The following ZNF383 variants were observed in gnomAD, a reference collection of about 807,000 sequenced individuals.
ZNF383 encodes zinc finger protein 383.
Under a neutral mutation model 44.2 loss-of-function variants are expected in ZNF383, and 32 were observed. The ratio of observed to expected loss-of-function variants is 0.72; its 90% confidence interval spans 0.55 to 0.97. The LOEUF (loss-of-function observed/expected upper bound fraction) is 0.97, where lower values mean the gene tolerates loss of function less well. Among genes scored for constraint, ZNF383 ranks in the 50% least tolerant of loss-of-function variants. ZNF383 has a pLI of 0.00. For missense variants in ZNF383, 487 were observed against 562.5 expected, an observed-to-expected ratio of 0.87 and a Z score of 1.36; for synonymous variants, 155 against 186.2, an observed-to-expected ratio of 0.83 and a Z score of 1.36.
In ZNF383 at chr19:37,247,234, G is replaced by C. The variant is rs867087037; in HGVS notation, c.*3570G>C. The C allele has an allele frequency of 2.6e-5, 4 of 151,904 alleles. No individual in the cohort carries two copies. The South Asian group carries it at 8.3e-4, about 32-fold the overall frequency. The allele number at this position is 151,904 out of a possible 1,614,324, so 9.4% of individuals were successfully genotyped here. A position where few individuals can be genotyped will look rare whatever the true frequency, so the allele number is the denominator to read the frequency against. On this transcript the variant is annotated 3_prime_UTR_variant, in exon 6 of 6. Transcript: ENST00000684119. ...GGAAGGAGGTAGTATTATTTTAAAA[G>C]GCAGAAATAATTGAAAGAAAAAAAC...
intron 2 of ZNF383, among the ~76,000 whole-genome samples, chr19:37,228,805 A>G (rs1381783026): frequency 6.6e-6 from 1 of 152,192 alleles, no homozygotes; most frequent in Non-Finnish European, 1.5e-5. Flanking sequence ...TACTAGAACT[A>G]TAAAAAACAG....
rs758777555 is a variant in ZNF383 at position 37,242,934 on chromosome 19, A to G, written c.698A>G (p.Lys233Arg). 1.1e-5 allele frequency: 17 copies of G among 1,614,194 alleles called. No individual in the cohort carries two copies. The South Asian group carries it at 1.5e-4, about 15-fold the overall frequency. The change falls in exon 6 of 6, where the codon AAG becomes AGG. Residue 233 changes from lysine (K) to arginine (R), a missense_variant. Transcript: ENST00000684119. ...EKPFECKECG[K>R]AFSCSSYLSQ... is the part of the protein sequence containing the mutation. ...CCCTTTGAATGTAAGGAATGTGGAA[A>G]GGCCTTCAGTTGTAGCTCATACCTT...
chr19:37,222,731 T>C (rs576651795), intron 1 of ZNF383, among the ~76,000 whole-genome samples: 2 of 152,336 alleles, frequency 1.3e-5, no homozygotes, highest in African/African-American at 2.4e-5. Flanking sequence ...TTTGATTTCA[T>C]ATTGAGGCTG....
chr19:37,235,942 C>A (rs1222280559), intron 4 of ZNF383, 37 bp from the exon 5 acceptor site: 9 of 1,557,844 alleles, frequency 5.8e-6, no homozygotes, highest in African/African-American at 2.7e-5. Context: ...CCTTTACCCC[C>A]AGCATAACCA....
chr19:37,241,920 TTATATAGA>T (rs1974100891), intron 5 of ZNF383, among the ~76,000 whole-genome samples: 2 of 148,682 alleles, frequency 1.3e-5, no homozygotes, highest in African/African-American at 2.5e-5. Flanking sequence ...ACACGCATAC[TTATATAGA>T]TATATGTATA....
rs1432174265 is a variant in ZNF383, at chr19:37,243,538, C to T, written c.1302C>T (p.Cys434=). ...AATGTGGAAAGGCCTTTAATAAATG[C>T]TCAAACCTTACTCGACATCTGAGAA... The part of the protein sequence containing the change: ...CNECGKAFNK[C]SNLTRHLRIH... The change falls in exon 6 of 6, where the codon TGC becomes TGT. Residue 434 remains cysteine, a synonymous_variant. Transcript: ENST00000684119. 1.2e-6 allele frequency: 2 copies of T among 1,614,028 alleles called. No individual in the cohort carries two copies. The highest frequency in any genetic ancestry group is 2.2e-5 in the East Asian group (1 of 44,882).
chr19:37,238,214 C>T (rs895075319), intron 5 of ZNF383, among the ~76,000 whole-genome samples: 6 of 151,826 alleles, frequency 4.0e-5, no homozygotes, highest in African/African-American at 1.5e-4. Context: ...GAAGGAGAGA[C>T]ATTCAAACCA....
chr19:37,226,875 G>A (rs1973190838), intron 2 of ZNF383, among the ~76,000 whole-genome samples: 1 of 152,074 alleles, frequency 6.6e-6, no homozygotes, highest in East Asian at 1.9e-4. Flanking sequence ...CTAGAATGCA[G>A]TGGTACGATC....
chr19:37,224,467 T>G (rs537366674), intron 1 of ZNF383, among the ~76,000 whole-genome samples: 1 of 152,314 alleles, frequency 6.6e-6, no homozygotes, highest in East Asian at 1.9e-4. Flanking sequence ...TTCCACAAAA[T>G]AAGCTCATTG....
chr19:37,229,790 A>G (rs1216637083), intron 2 of ZNF383, among the ~76,000 whole-genome samples: 1 of 115,326 alleles, frequency 8.7e-6, no homozygotes, highest in East Asian at 2.1e-4. Context: ...GTGTGTGTAT[A>G]TATATATATA....
Position 37,246,039 on chromosome 19 carries a change from C to T in ZNF383, c.*2375C>T, listed in dbSNP as rs1244251412. ...CTCAAACTCCTGACCTCGTGATCCT[C>T]CTGCCTTGGCTTCCCAAAGTGCTGG... On this transcript the variant is annotated 3_prime_UTR_variant, in exon 6 of 6. Transcript: ENST00000684119. The T allele has an allele frequency of 1.3e-5, 2 of 152,248 alleles. No homozygotes were observed. The highest frequency in any genetic ancestry group is 4.8e-5 in the African/African-American group (2 of 41,444). 9.4% of individuals were successfully genotyped at this position (152,248 alleles called of 1,614,324 possible). A position where few individuals can be genotyped will look rare whatever the true frequency, so the allele number is the denominator to read the frequency against.
chr19:37,243,893 T>C lies in ZNF383; in HGVS notation c.*229T>C, dbSNP rs1458412111. On this transcript the variant is annotated 3_prime_UTR_variant, in exon 6 of 6. Transcript: ENST00000684119. ...TTTCATTCATTGTTTTGTTCTACTT[T>C]CTTGGTGACACATTATACTCATGTT... 2.9e-5 allele frequency: 12 copies of C among 408,910 alleles called. No homozygotes were observed. In the East Asian group the frequency reaches 3.3e-4, roughly 11 times the overall value. 25.3% of individuals were successfully genotyped at this position (408,910 alleles called of 1,614,324 possible).
At chr19:37,237,375 GA>G (rs1000640417) in intron 5 of ZNF383, among the ~76,000 whole-genome samples, 1 of 150,390 alleles carries the variant, frequency 6.6e-6, no homozygotes, top group African/African-American at 2.4e-5. Context: ...TTGGGGCCAA[GA>G]AAAAAAAAGG....
At chr19:37,226,026 C>T (rs377661342) in intron 2 of ZNF383, among the ~76,000 whole-genome samples, 1 of 150,484 alleles carries the variant, frequency 6.6e-6, no homozygotes, top group East Asian at 1.9e-4. Flanking sequence ...GTCTCGATCT[C>T]CTGACCTCGT....
rs1974401326 is a variant in ZNF383, at chr19:37,247,155, G to A, written c.*3491G>A. 1 of 152,038 alleles carries A rather than the reference G, an allele frequency of 6.6e-6. No individual in the cohort carries two copies. Among genetic ancestry groups the A allele is most frequent in the Admixed American group, 6.6e-5 (1 of 15,252 alleles). 9.4% of individuals were successfully genotyped at this position (152,038 alleles called of 1,614,324 possible). A position where few individuals can be genotyped will look rare whatever the true frequency, so the allele number is the denominator to read the frequency against. On this transcript the variant is annotated 3_prime_UTR_variant, in exon 6 of 6. Transcript: ENST00000684119. Reference sequence around the variant, plus strand: ...ATTTGTGCATATATTGTAATACTAGGAAGAAAAAATATAGAACCCAAGGAA... The same window carrying A: ...ATTTGTGCATATATTGTAATACTAGAAAGAAAAAATATAGAACCCAAGGAA...
In ZNF383 at chr19:37,245,407, T is replaced by C. The variant is rs1429074985; in HGVS notation, c.*1743T>C. Reference sequence around the variant, plus strand: ...TCCCTTACATCAATCCTAATCCCAATGCCATACTAGAAAGTAACACTGTTA... The same window carrying C: ...TCCCTTACATCAATCCTAATCCCAACGCCATACTAGAAAGTAACACTGTTA... On this transcript the variant is annotated 3_prime_UTR_variant, in exon 6 of 6. Transcript: ENST00000684119. 6.6e-6 allele frequency: 1 copy of C among 152,176 alleles called. No homozygotes were observed. The highest frequency in any genetic ancestry group is 1.5e-5 in the Non-Finnish European group (1 of 68,028). The allele number at this position is 152,176 out of a possible 1,614,324, so 9.4% of individuals were successfully genotyped here. A position where few individuals can be genotyped will look rare whatever the true frequency, so the allele number is the denominator to read the frequency against.
chr19:37,224,734 T>C (rs1408667940), intron 1 of ZNF383, 84 bp from the exon 2 acceptor site: 1 of 151,668 alleles, frequency 6.6e-6, no homozygotes, highest in Non-Finnish European at 1.5e-5. Flanking sequence ...TTTTTTTTTT[T>C]TCAATGATTT....
rs550497760 is a variant in ZNF383 at position 37,235,768 on chromosome 19, T to C, written c.136+93T>C. On this transcript the variant is annotated intron_variant, in intron 4 of 5. Transcript: ENST00000684119. ...CTCAGCTGCTTTTCAGGTTACTAGC[T>C]GAATTTCTATTCTTTATTACCAAAC... The C allele has an allele frequency of 2.1e-4, 299 of 1,447,456 alleles. 3 individuals carry two copies. In the South Asian group the frequency reaches 3.1e-3, roughly 15 times the overall value. The allele number at this position is 1,447,456 out of a possible 1,614,324, so 89.7% of individuals were successfully genotyped here. A position where few individuals can be genotyped will look rare whatever the true frequency, so the allele number is the denominator to read the frequency against.
At chr19:37,229,680 ATG>A (rs1165293508) in intron 2 of ZNF383, among the ~76,000 whole-genome samples, 13 of 123,592 alleles carry the variant, frequency 1.1e-4, no homozygotes, top group South Asian at 7.3e-4. Context: ...ATGTATGTAT[ATG>A]TGTGTGTATA....
Sources: allele counts gnomAD v4.1 joint callset (sites outside exome capture counted in the v4.1 genomes callset), GRCh38; gene constraint gnomAD v4.1.1; transcripts MANE v1.5; gene names NCBI Gene and HGNC (gene_info 2026-07-23, HGNC 2026-07-21).